Variants in CYP20A1 observed in about 807,000 individuals in gnomAD.
The protein encoded by CYP20A1 is cytochrome P450 20A1.
A neutral mutation model predicts 61.4 loss-of-function variants in CYP20A1; 61 were observed. The observed-to-expected ratio is 0.99, with a 90% CI of 0.81 to 1.23. CYP20A1 has a LOEUF of 1.23. Among genes scored for constraint, CYP20A1 ranks in the 50% most tolerant of loss-of-function variants. CYP20A1 has a pLI of 0.00. For synonymous variants in CYP20A1, 193 were observed against 188.2 expected (o/e 1.03, Z -0.21); for missense variants, 530 against 542.4 (o/e 0.98, Z 0.23).
At chr2:203,246,637 T>C (rs1380651308) in intron 2 of CYP20A1, 118 bp from the exon 3 acceptor site, 9 of 1,047,528 alleles carry the variant, frequency 8.6e-6, no homozygotes, top group Non-Finnish European at 1.2e-5. Flanking sequence ...TTGCAGTAAT[T>C]TGAATTTCAT....
rs542778422 is a variant in CYP20A1 at position 203,297,478 on chromosome 2, G to T, written c.*570G>T. 1 of 152,782 alleles carries T rather than the reference G, an allele frequency of 6.5e-6. No homozygotes were observed. The highest frequency in any genetic ancestry group is 2.1e-4 in the South Asian group (1 of 4,856). The allele number at this position is 152,782 out of a possible 1,614,324, so 9.5% of individuals were successfully genotyped here. On this transcript the variant is annotated 3_prime_UTR_variant, in exon 13 of 13. Transcript: ENST00000356079. ...CCAGCACTTTGGGATGCTGAGGCGG[G>T]TGGATCACCTGAGGTCAGGAGTTTG...
At chr2:203,268,333 C>T (rs1489917598) in intron 5 of CYP20A1, among the ~76,000 whole-genome samples, 1 of 152,196 alleles carries the variant, frequency 6.6e-6, no homozygotes, top group African/African-American at 2.4e-5. Context: ...AATTCATGAT[C>T]ACTCAGTACT....
chr2:203,262,354 G>C (rs2067167300), intron 4 of CYP20A1, among the ~76,000 whole-genome samples: 1 of 152,108 alleles, frequency 6.6e-6, no homozygotes, highest in Non-Finnish European at 1.5e-5. Context: ...CACCATGCCA[G>C]ACCTGCAAGT....
Position 203,301,335 on chromosome 2 carries a change from T to C in CYP20A1, c.*4427T>C, listed in dbSNP as rs143941629. Among the ~76,000 whole-genome samples the C allele has an allele frequency of 3.5e-3, 525 of 151,916 alleles. 4 individuals are homozygous for C. The highest frequency in any genetic ancestry group is 0.012 in the African/African-American group (503 of 41,452). On this transcript the variant is annotated 3_prime_UTR_variant, in exon 13 of 13. Coordinates refer to ENST00000356079, the MANE Select transcript of CYP20A1 (RefSeq NM_177538.3). ...GCATTGGCATGATCACAGCTTACTG[T>C]AGCCTCCACCTCCTGGGCTCCAGCG...
chr2:203,248,904 T>C (rs1396809217), intron 3 of CYP20A1, among the ~76,000 whole-genome samples: 2 of 151,982 alleles, frequency 1.3e-5, no homozygotes, highest in Admixed American at 1.3e-4. Context: ...GGAGATGAGG[T>C]CTTGCTACGT....
chr2:203,277,800 C>T (rs891959889), intron 6 of CYP20A1, among the ~76,000 whole-genome samples: 1 of 152,102 alleles, frequency 6.6e-6, no homozygotes, highest in African/African-American at 2.4e-5. Context: ...AGGCATGAGC[C>T]ACTGCGCCCA....
At position 203,269,268 on chromosome 2, in the gene CYP20A1, C is replaced by A. The variant is rs13427861; in HGVS notation, c.600+2587C>A. Among the ~76,000 whole-genome samples the A allele has an allele frequency of 9.2e-4, 138 of 150,662 alleles. 1 individual carries two copies. Among genetic ancestry groups the A allele is most frequent in the African/African-American group, 3.1e-3 (128 of 41,276 alleles). On this transcript the variant is annotated intron_variant, in intron 5 of 12. Transcript: ENST00000356079. ...ACCAGCCTGGGCAACACAGTGAGAC[C>A]CCTGTCTCCAATTTTTTTTTTTTTT...
chr2:203,269,785 C>T (rs565862189), intron 5 of CYP20A1, among the ~76,000 whole-genome samples: 6 of 152,074 alleles, frequency 3.9e-5, no homozygotes, highest in Admixed American at 6.6e-5. Context: ...CTTGTCACCA[C>T]GCCCAGGTAA....
rs926532167 is a variant in CYP20A1 at position 203,304,388 on chromosome 2, G to A, written c.*7480G>A. Among the ~76,000 whole-genome samples the A allele has an allele frequency of 6.6e-6, 1 of 152,050 alleles. No homozygotes were observed. Among genetic ancestry groups the A allele is most frequent in the Non-Finnish European group, 1.5e-5 (1 of 68,020 alleles). Reference sequence around the variant, plus strand: ...AATTTTTTGTATTTTTAGTAGAGACGGGGTTTCACCATGTTAGCCAGGATG... The same window carrying A: ...AATTTTTTGTATTTTTAGTAGAGACAGGGTTTCACCATGTTAGCCAGGATG... On this transcript the variant is annotated 3_prime_UTR_variant, in exon 13 of 13. Coordinates refer to ENST00000356079, the MANE Select transcript of CYP20A1 (RefSeq NM_177538.3).
chr2:203,245,855 C>G lies in CYP20A1; in HGVS notation c.82C>G (p.Gln28Glu), dbSNP rs2066442435. 4 of 1,601,042 alleles carry G rather than the reference C, an allele frequency of 2.5e-6. No individual in the cohort carries two copies. The highest frequency in any genetic ancestry group is 1.9e-4 in the Middle Eastern group (1 of 5,240). The stretch of plus-strand genomic sequence containing the variant: ...ACTTTTTTTTTGTAAGGCTTCCAGA[C>G]AAGCTGCAGGAATTCCAGGGATTAC... Reference protein sequence around the residue: ...AVLYLYPASRQAAGIPGITPT... With the variant: ...AVLYLYPASREAAGIPGITPT... Residue 28 changes from glutamine (Q) to glutamate (E), a missense_variant, in exon 2 of 13, where the codon CAA becomes GAA. By Grantham distance (29) the Gln-to-Glu change is conservative. Transcript: ENST00000356079.
chr2:203,246,691 C>G, intron 2 of CYP20A1, 64 bp from the exon 3 acceptor site: 1 of 1,495,062 alleles, frequency 6.7e-7, no homozygotes, highest in Non-Finnish European at 9.2e-7. Flanking sequence ...TCAGAGTCAA[C>G]TGTTGTTTTT....
In CYP20A1 at chr2:203,297,828, CA is replaced by C; in HGVS notation, c.*927del. The C allele has an allele frequency of 6.6e-6, 1 of 151,898 alleles. No individual in the cohort carries two copies. The highest frequency in any genetic ancestry group is 6.6e-5 in the Admixed American group (1 of 15,218). 9.4% of individuals were successfully genotyped at this position (151,898 alleles called of 1,614,324 possible). On this transcript the variant is annotated 3_prime_UTR_variant, in exon 13 of 13. Coordinates refer to ENST00000356079, the MANE Select transcript of CYP20A1 (RefSeq NM_177538.3). ...CCCCATCTCTACTGAAAAACACACA[CA>C]AAAAAATTAGCTGGGCATGGTGGCA... is the stretch of plus-strand genomic sequence containing the variant.
chr2:203,296,349 T>C, intron 11 of CYP20A1, 125 bp from the exon 12 acceptor site: 1 of 555,360 alleles, frequency 1.8e-6, no homozygotes, highest in Non-Finnish European at 3.2e-6. Flanking sequence ...CATTTAAATA[T>C]AATGTAAGAG....
At position 203,301,398 on chromosome 2, in the gene CYP20A1, T is replaced by A. The variant is rs2069018032; in HGVS notation, c.*4490T>A. Among the ~76,000 whole-genome samples the A allele has an allele frequency of 6.6e-6, 1 of 151,938 alleles. No homozygotes were observed. The highest frequency in any genetic ancestry group is 2.1e-4 in the South Asian group (1 of 4,824). On this transcript the variant is annotated 3_prime_UTR_variant, in exon 13 of 13. Transcript: ENST00000356079. ...CCTCTAGAATAGCTGGGACTACATA[T>A]GCATGCCACCATGCCCAGCTGTTTT...
intron 4 of CYP20A1, among the ~76,000 whole-genome samples, chr2:203,254,041 G>C (rs1394335199): frequency 6.6e-6 from 1 of 151,848 alleles, no homozygotes; most frequent in East Asian, 1.9e-4. Context: ...TCCGCCTCCT[G>C]GGTTCAAGCA....
Position 203,302,954 on chromosome 2 carries a change from G to T in CYP20A1, c.*6046G>T, listed in dbSNP as rs1170292739. 6.6e-6 allele frequency among the ~76,000 whole-genome samples: 1 copy of T among 152,012 alleles called. No homozygotes were observed. The highest frequency in any genetic ancestry group is 1.9e-4 in the East Asian group (1 of 5,182). ...GATCTGCCCAACTCAGCCTCCCAGA[G>T]TGCTGGGATTACAAGCATGAGCCAC... On this transcript the variant is annotated 3_prime_UTR_variant, in exon 13 of 13. Coordinates refer to ENST00000356079, the MANE Select transcript of CYP20A1 (RefSeq NM_177538.3).
intron 5 of CYP20A1, among the ~76,000 whole-genome samples, chr2:203,267,407 A>G (rs2067369335): frequency 6.6e-6 from 1 of 151,810 alleles, no homozygotes; most frequent in South Asian, 2.1e-4. Flanking sequence ...GGTGGCTTGC[A>G]CCTGTAATTC....
intron 11 of CYP20A1, among the ~76,000 whole-genome samples, chr2:203,294,693 G>C (rs1391812784): frequency 6.6e-6 from 1 of 151,472 alleles, no homozygotes; most frequent in East Asian, 1.9e-4. Flanking sequence ...GGAGTGCAGT[G>C]GTGCAATCTT....
At chr2:203,275,965 A>G (rs955303819) in intron 6 of CYP20A1, among the ~76,000 whole-genome samples, 2 of 152,208 alleles carry the variant, frequency 1.3e-5, no homozygotes, top group African/African-American at 4.8e-5. Context: ...AAATAAAACC[A>G]GAAGGGGATA....
Sources: gnomAD v4.1 joint callset for allele counts (sites outside exome capture counted in the v4.1 genomes callset) on GRCh38, gnomAD v4.1.1 for gene constraint, MANE v1.5 for transcripts, NCBI Gene and HGNC (gene_info 2026-07-23, HGNC 2026-07-21) for gene names.